Variants in CYP39A1 observed in about 807,000 individuals in gnomAD.
The protein encoded by CYP39A1 is 24-hydroxycholesterol 7-alpha-hydroxylase.
A neutral mutation model predicts 58.1 loss-of-function variants in CYP39A1; 49 were observed. The ratio of observed to expected loss-of-function variants is 0.84; its 90% CI spans 0.67 to 1.07. The LOEUF is 1.07. CYP39A1 is among the 50% of genes least tolerant of loss of function. The pLI is 0.00. For synonymous variants in CYP39A1, 209 were observed against 187.6 expected (o/e 1.11, Z -0.93); for missense variants, 531 against 539.4 (o/e 0.98, Z 0.16).
chr6:46,550,318 A>AG lies in CYP39A1; in HGVS notation c.*47dup, dbSNP rs780860671. 6.6e-6 allele frequency: 10 copies of AG among 1,513,078 alleles called. No homozygotes were observed. The highest frequency in any genetic ancestry group is 9.1e-6 in the Non-Finnish European group (10 of 1,095,304). 93.7% of individuals were successfully genotyped at this position (1,513,078 alleles called of 1,614,324 possible). A position where few individuals can be genotyped will look rare whatever the true frequency, so the allele number is the denominator to read the frequency against. Reference sequence around the variant, plus strand: ...AGGTCTAGGTGCTGCCAGGTGGGGTAGTGCCACTCCTCCAGAAGGCCCTGG... The same window carrying AG: ...AGGTCTAGGTGCTGCCAGGTGGGGTAGGTGCCACTCCTCCAGAAGGCCCTGG... On this transcript the variant is annotated 3_prime_UTR_variant, in exon 12 of 12. Transcript: ENST00000275016.
intron 10 of CYP39A1, among the ~76,000 whole-genome samples, chr6:46,581,782 A>G (rs1772148819): frequency 6.6e-6 from 1 of 152,148 alleles, no homozygotes; most frequent in Admixed American, 6.5e-5. Flanking sequence ...AACCCAAAAT[A>G]AAAGTTGAAA....
At chr6:46,567,356 T>C (rs905358605) in intron 10 of CYP39A1, among the ~76,000 whole-genome samples, 9 of 152,096 alleles carry the variant, frequency 5.9e-5, no homozygotes, top group African/African-American at 2.2e-4. Context: ...ATATATAACT[T>C]TTTTATCCAT....
In CYP39A1 at chr6:46,557,023, T is replaced by C. The variant is rs533133511; in HGVS notation, c.1251-3169A>G. On this transcript the variant is annotated intron_variant, in intron 10 of 11. Transcript: ENST00000275016. ...AGATAAGATATTTTAAAAATAATTG[T>C]GCTTCTAGCAATGAAAAATACAATA... Among the ~76,000 whole-genome samples the C allele has an allele frequency of 2.0e-5, 3 of 152,190 alleles. No homozygotes were observed. The South Asian group carries it at 6.2e-4, about 32-fold the overall frequency.
At chr6:46,588,165 GA>G in intron 8 of CYP39A1, 36 bp from the exon 9 acceptor site, 2 of 1,333,986 alleles carry the variant, frequency 1.5e-6, no homozygotes, top group Non-Finnish European at 2.1e-6. Flanking sequence ...TCATTTTTTT[GA>G]AATATACTTT....
intron 11 of CYP39A1, among the ~76,000 whole-genome samples, chr6:46,553,179 T>A (rs529166906): frequency 2.0e-5 from 3 of 152,008 alleles, no homozygotes; most frequent in Admixed American, 6.6e-5. Flanking sequence ...ATACAGTCTG[T>A]TCTAACAAGC....
At chr6:46,552,651 C>T (rs1323147534) in intron 11 of CYP39A1, among the ~76,000 whole-genome samples, 4 of 152,082 alleles carry the variant, frequency 2.6e-5, no homozygotes, top group Admixed American at 6.5e-5. Context: ...TAAATAGCAC[C>T]CTTTACCCAA....
chr6:46,585,681 C>T (rs766031994), intron 10 of CYP39A1, among the ~76,000 whole-genome samples: 1 of 152,038 alleles, frequency 6.6e-6, no homozygotes, highest in African/African-American at 2.4e-5. Flanking sequence ...CAATGGAACC[C>T]TCAACTAAAA....
chr6:46,553,679 A>C lies in CYP39A1; in HGVS notation c.1338+88T>G. On this transcript the variant is annotated intron_variant, in intron 11 of 11. Transcript: ENST00000275016. Reference sequence around the variant, plus strand: ...GGCCTAAGTGAGGAAATGTCAGCTCATCTCTAGTAATCAAAATTGGGGGAA... The same window carrying C: ...GGCCTAAGTGAGGAAATGTCAGCTCCTCTCTAGTAATCAAAATTGGGGGAA... 2.4e-6 allele frequency: 2 copies of C among 839,122 alleles called. 1 individual carries two copies. Among genetic ancestry groups the C allele is most frequent in the Admixed American group, 3.9e-5 (2 of 51,448 alleles). The allele number at this position is 839,122 out of a possible 1,614,324, so 52.0% of individuals were successfully genotyped here.
At chr6:46,650,634 G>T (rs564899392) in intron 1 of CYP39A1, among the ~76,000 whole-genome samples, 2 of 151,614 alleles carry the variant, frequency 1.3e-5, no homozygotes, top group Admixed American at 1.3e-4. Context: ...CTCTCGAGGA[G>T]CTGGGACTAC....
chr6:46,611,094 A>G (rs1048983219), intron 7 of CYP39A1, among the ~76,000 whole-genome samples: 5 of 151,936 alleles, frequency 3.3e-5, no homozygotes, highest in African/African-American at 7.3e-5. Context: ...CAAACCACAC[A>G]TGTTTCTACT....
chr6:46,579,899 A>C (rs1200887753), intron 10 of CYP39A1, among the ~76,000 whole-genome samples: 8 of 152,194 alleles, frequency 5.3e-5, no homozygotes, highest in Non-Finnish European at 1.0e-4. Context: ...ATAGATAGGA[A>C]GAATCAATAT....
intron 10 of CYP39A1, among the ~76,000 whole-genome samples, chr6:46,558,695 T>C (rs1200263228): frequency 6.6e-6 from 1 of 151,982 alleles, no homozygotes; most frequent in East Asian, 1.9e-4. Flanking sequence ...ATAGCATGCA[T>C]TAGGAAAAAA....
chr6:46,621,461 T>C (rs1314535495), intron 7 of CYP39A1, among the ~76,000 whole-genome samples: 1 of 152,062 alleles, frequency 6.6e-6, no homozygotes, highest in Non-Finnish European at 1.5e-5. Flanking sequence ...GGACCCAAAC[T>C]AAAATCAGGA....
chr6:46,566,807 A>G (rs1771311663), intron 10 of CYP39A1, among the ~76,000 whole-genome samples: 1 of 151,696 alleles, frequency 6.6e-6, no homozygotes, highest in Admixed American at 6.6e-5. Flanking sequence ...AGAATTATAT[A>G]TATATTTAAA....
At chr6:46,634,704 TAG>T (rs1401191162) in intron 5 of CYP39A1, among the ~76,000 whole-genome samples, 1 of 152,020 alleles carries the variant, frequency 6.6e-6, no homozygotes, top group Non-Finnish European at 1.5e-5. Flanking sequence ...GTATTTTTAG[TAG>T]AGATGAGGTT....
At position 46,567,035 on chromosome 6, in the gene CYP39A1, A is replaced by G. The variant is rs147413821; in HGVS notation, c.1251-13181T>C. ...AAGATCTGTTCTCTTAGCAACTGTC[A>G]ATTGTACAATACATTATTATTAATT... is the stretch of plus-strand genomic sequence containing the variant. On this transcript the variant is annotated intron_variant, in intron 10 of 11. Transcript: ENST00000275016. Among the ~76,000 whole-genome samples, 108 of 152,198 alleles carry G rather than the reference A, an allele frequency of 7.1e-4. 2 individuals are homozygous for G. In the East Asian group the frequency reaches 0.017, roughly 23 times the overall value.
chr6:46,586,325 A>C, intron 10 of CYP39A1: 1 of 984,390 alleles, frequency 1.0e-6, no homozygotes, highest in Non-Finnish European at 1.2e-6. Flanking sequence ...AGATTTTGTC[A>C]TAAACAGGTA....
chr6:46,652,783 CT>C lies in CYP39A1; in HGVS notation c.-202del, dbSNP rs1762786512. 1.9e-6 allele frequency: 1 copy of C among 516,424 alleles called. No individual in the cohort carries two copies. Among genetic ancestry groups the C allele is most frequent in the African/African-American group, 2.0e-5 (1 of 50,814 alleles). 32.0% of individuals were successfully genotyped at this position (516,424 alleles called of 1,614,324 possible). Reference sequence around the variant, plus strand: ...CCATTGTCGCTCCCTCCCACCTCCACTTCTCTTTGAATCTCAGCCAGCGCGG... The same window carrying C: ...CCATTGTCGCTCCCTCCCACCTCCACTCTCTTTGAATCTCAGCCAGCGCGG... On this transcript the variant is annotated 5_prime_UTR_variant, in exon 1 of 12. Coordinates refer to ENST00000275016, the MANE Select transcript of CYP39A1 (RefSeq NM_016593.5).
At chr6:46,572,847 CT>C (rs1465025330) in intron 10 of CYP39A1, among the ~76,000 whole-genome samples, 1 of 152,026 alleles carries the variant, frequency 6.6e-6, no homozygotes, top group Non-Finnish European at 1.5e-5. Context: ...TTACTTTACT[CT>C]TTTCAATTTT....
Sources: gnomAD v4.1 joint callset for allele counts (sites outside exome capture counted in the v4.1 genomes callset) on GRCh38, gnomAD v4.1.1 for gene constraint, MANE v1.5 for transcripts, NCBI Gene and HGNC (gene_info 2026-07-23, HGNC 2026-07-21) for gene names.